The following PCDH11X variants were observed in gnomAD, a reference collection of about 807,000 sequenced individuals.
PCDH11X encodes protocadherin-11 X-linked.
Under a neutral mutation model 53.3 loss-of-function variants are expected in PCDH11X, and 18 were observed. The ratio of observed to expected loss-of-function variants is 0.34; its 90% CI spans 0.23 to 0.50. The LOEUF is 0.50. Among genes scored for constraint, PCDH11X ranks in the 20% least tolerant of loss-of-function variants. The pLI is 0.98. For synonymous variants in PCDH11X, 279 were observed against 393.3 expected, an observed-to-expected ratio of 0.71 and a Z score of 3.44; for missense variants, 570 against 1,032.4, an observed-to-expected ratio of 0.55 and a Z score of 6.14.
In PCDH11X at chrX:91,988,494, A is replaced by G. The variant is rs1343727665; in HGVS notation, c.3033+109221A>G. Among the ~76,000 whole-genome samples, 4 of 111,965 alleles carry G rather than the reference A, an allele frequency of 3.6e-5. No individual in the cohort carries two copies. The East Asian group carries it at 8.4e-4, about 24-fold the overall frequency. On this transcript the variant is annotated intron_variant, in intron 6 of 10. Transcript: ENST00000682573. ...CTCTCTCTCATACAAATAACCATAA[A>G]CTAATTATAGCAATCAATTCGCATG...
At chrX:92,219,194 T>C (rs201438274) in intron 7 of PCDH11X, among the ~76,000 whole-genome samples, 31 of 110,448 alleles carry the variant, frequency 2.8e-4, no homozygotes, top group African/African-American at 6.2e-4. Context: ...AAGTTCTGGC[T>C]AGGGCAATTA....
At chrX:92,116,841 A>G (rs886757119) in intron 6 of PCDH11X, among the ~76,000 whole-genome samples, 6 of 110,414 alleles carry the variant, frequency 5.4e-5, no homozygotes, top group Non-Finnish European at 7.5e-5. Flanking sequence ...ACTATCCTGG[A>G]CCTCTCATAG....
At chrX:92,389,829 G>A (rs1216513425) in intron 9 of PCDH11X, among the ~76,000 whole-genome samples, 3 of 107,659 alleles carry the variant, frequency 2.8e-5, no homozygotes, top group Non-Finnish European at 3.8e-5. Context: ...GATATACTTA[G>A]GGGCTTTTTT....
At position 92,460,343 on chromosome X, in the gene PCDH11X, T is replaced by A; in HGVS notation, c.3344-7956T>A. On this transcript the variant is annotated intron_variant, in intron 9 of 10. Coordinates refer to ENST00000682573, the MANE Select transcript of PCDH11X (RefSeq NM_032968.5). ...GAAGTAAAAGGCCTACAAGCCCAGA[T>A]TGCCAGCTTTAGGTTGACCGTGGAG... The A allele has an allele frequency of 2.2e-6, 2 of 921,048 alleles. 1 individual carries two copies. Among genetic ancestry groups the A allele is most frequent in the Non-Finnish European group, 3.1e-6 (2 of 640,463 alleles). The allele number at this position is 921,048 out of a possible 1,213,427, so 75.9% of individuals were successfully genotyped here.
chrX:92,366,371 C>T (rs1203814040), intron 8 of PCDH11X, among the ~76,000 whole-genome samples: 1 of 110,252 alleles, frequency 9.1e-6, no homozygotes, highest in Non-Finnish European at 1.9e-5. Context: ...CCTGATTCTT[C>T]TCTCTTTTCT....
At chrX:91,913,872 T>C (rs1381988816) in intron 6 of PCDH11X, among the ~76,000 whole-genome samples, 2 of 109,764 alleles carry the variant, frequency 1.8e-5, no homozygotes, top group East Asian at 5.8e-4. Context: ...TTTCACTGCC[T>C]GCAACATCCT....
intron 6 of PCDH11X, among the ~76,000 whole-genome samples, chrX:92,084,308 G>A (rs1179673111): frequency 1.8e-5 from 2 of 110,095 alleles, no homozygotes; most frequent in Non-Finnish European, 3.8e-5. Context: ...AGCACTTTGG[G>A]AGGCCGAGAA....
intron 6 of PCDH11X, among the ~76,000 whole-genome samples, chrX:91,900,102 T>C (rs1940897861): frequency 1.8e-5 from 2 of 110,042 alleles, no homozygotes; most frequent in Admixed American, 9.7e-5. Flanking sequence ...CTAAGGGGTC[T>C]CCTTTATTCC....
chrX:92,371,784 A>G (rs2070629786), intron 8 of PCDH11X, among the ~76,000 whole-genome samples: 1 of 108,121 alleles, frequency 9.2e-6, no homozygotes, highest in South Asian at 4.2e-4. Flanking sequence ...TAGCAGTGCC[A>G]CTTGGGGGTG....
chrX:91,889,622 G>GT (rs1036712319), intron 6 of PCDH11X, among the ~76,000 whole-genome samples: 2 of 111,719 alleles, frequency 1.8e-5, no homozygotes. Flanking sequence ...CAAATAATTG[G>GT]TTTTTTTACA....
At chrX:92,550,475 T>C (rs2074934243) in intron 10 of PCDH11X, among the ~76,000 whole-genome samples, 1 of 107,762 alleles carries the variant, frequency 9.3e-6, no homozygotes, top group Non-Finnish European at 1.9e-5. Context: ...TAAGTATATA[T>C]ATTTATGTGA....
chrX:92,226,312 TTTGA>T (rs1390246355), intron 7 of PCDH11X, among the ~76,000 whole-genome samples: 3 of 111,779 alleles, frequency 2.7e-5, no homozygotes, highest in Non-Finnish European at 5.6e-5. Flanking sequence ...TATGTAGAAC[TTTGA>T]TTGGGCAAAA....
intron 7 of PCDH11X, among the ~76,000 whole-genome samples, chrX:92,261,445 A>T (rs1362362545): frequency 8.9e-6 from 1 of 111,868 alleles, no homozygotes; most frequent in Non-Finnish European, 1.9e-5. Flanking sequence ...CTTCTTCATT[A>T]GCTTAAATGT....
intron 10 of PCDH11X, among the ~76,000 whole-genome samples, chrX:92,524,761 T>C (rs1480481169): frequency 9.0e-6 from 1 of 111,671 alleles, no homozygotes; most frequent in Non-Finnish European, 1.9e-5. Flanking sequence ...TGAGATGTGA[T>C]AACTAACTAA....
chrX:92,510,128 T>C (rs748798738), intron 10 of PCDH11X, among the ~76,000 whole-genome samples: 57 of 105,519 alleles, frequency 5.4e-4, no homozygotes, highest in African/African-American at 1.7e-3. Flanking sequence ...AAAATGTTTA[T>C]TTTATTCAGA....
At chrX:92,141,596 GT>G (rs1733340709) in intron 6 of PCDH11X, among the ~76,000 whole-genome samples, 2 of 111,502 alleles carry the variant, frequency 1.8e-5, no homozygotes, top group Admixed American at 9.6e-5. Context: ...TAAACCTAAT[GT>G]TTTTTTCCAA....
chrX:91,899,192 G>A (rs1403568008), intron 6 of PCDH11X, among the ~76,000 whole-genome samples: 1 of 110,815 alleles, frequency 9.0e-6, no homozygotes, highest in African/African-American at 3.3e-5. Context: ...CAACAGTAGG[G>A]AAGTCGACAG....
At chrX:92,038,963 C>A (rs767243676) in intron 6 of PCDH11X, among the ~76,000 whole-genome samples, 1 of 111,550 alleles carries the variant, frequency 9.0e-6, no homozygotes, top group South Asian at 3.9e-4. Flanking sequence ...GTATAAGTTG[C>A]CCAGTCTTGG....
rs1452805729 is a variant in PCDH11X at position 91,905,339 on chromosome X, C to T, written c.3033+26066C>T. Among the ~76,000 whole-genome samples, 11 of 109,679 alleles carry T rather than the reference C, an allele frequency of 1.0e-4. 1 individual carries two copies. The highest frequency in any genetic ancestry group is 9.6e-3 in the Middle Eastern group (2 of 209). ...GGGACAAGGTCTCACTATATTCCCTCGGCTGAAAGAATAGCTTTTAAAAGT... is the reference window on the plus strand; with the variant it reads ...GGGACAAGGTCTCACTATATTCCCTTGGCTGAAAGAATAGCTTTTAAAAGT... On this transcript the variant is annotated intron_variant, in intron 6 of 10. Coordinates refer to ENST00000682573, the MANE Select transcript of PCDH11X (RefSeq NM_032968.5).
Sources: gnomAD v4.1 joint callset for allele counts (sites outside exome capture counted in the v4.1 genomes callset) on GRCh38, gnomAD v4.1.1 for gene constraint, MANE v1.5 for transcripts, NCBI Gene and HGNC (gene_info 2026-07-23, HGNC 2026-07-21) for gene names.